Variants in HPS3 observed in about 807,000 individuals in gnomAD.
HPS3 encodes BLOC-2 complex member HPS3.
In HPS3, 79 loss-of-function variants were observed where a neutral mutation model predicts 110.9. The observed-to-expected ratio is 0.71, with a 90% CI of 0.59 to 0.86. The LOEUF is 0.86. Ranked by LOEUF, HPS3 falls within the 40% of genes least tolerant of loss-of-function variation. The probability of loss-of-function intolerance (pLI) is 0.00; values close to 1 mark genes in which losing one functional copy is unlikely to be tolerated. For synonymous variants in HPS3, 428 were observed against 451.0 expected (o/e 0.95, Z 0.65); for missense variants, 1,197 against 1,206.2 (o/e 0.99, Z 0.11).
rs1724629279 is a variant in HPS3, at chr3:149,168,283, A to G, written c.2887+300A>G. ...TGTGAGTAGTCATTAAGGCAATTAC[A>G]TCTTTTATCAATGATCAGAGTACTT... On this transcript the variant is annotated intron_variant, in intron 16 of 16. Transcript: ENST00000296051. 3.6e-5 allele frequency: 12 copies of G among 328,862 alleles called. No homozygotes were observed. The South Asian group carries it at 4.0e-4, about 11-fold the overall frequency. 20.4% of individuals were successfully genotyped at this position (328,862 alleles called of 1,614,324 possible).
chr3:149,162,717 A>G lies in HPS3; in HGVS notation c.2320A>G (p.Ile774Val). 6.2e-7 allele frequency: 1 copy of G among 1,614,032 alleles called. No homozygotes were observed. Reference sequence around the variant, plus strand: ...GCTTTGTGCTAAGGATGAAGATACAATTCCTCAGCTCTTGGTAGACTTTTG... The same window carrying G: ...GCTTTGTGCTAAGGATGAAGATACAGTTCCTCAGCTCTTGGTAGACTTTTG... ...KVLCAKDEDT[I>V]PQLLVDFWEA... Residue 774 changes from isoleucine to valine, a missense_variant, in exon 13 of 17, where the codon ATT becomes GTT. Physicochemically the swap from Ile to Val is conservative, Grantham distance 29 (BLOSUM62 3). Transcript: ENST00000296051.
intron 6 of HPS3, among the ~76,000 whole-genome samples, chr3:149,151,587 T>TAAAAAAAAAAAA (rs1167453087): frequency 9.9e-5 from 4 of 40,340 alleles, no homozygotes; most frequent in Admixed American, 3.4e-4. Context: ...GCTTGGTTTC[T>TAAAAAAAAAAAA]AAAAAAAAAA....
chr3:149,131,122 TAAA>T (rs57667789), intron 1 of HPS3, among the ~76,000 whole-genome samples: 40,621 of 138,684 alleles, frequency 0.29, 6,563 homozygotes, highest in East Asian at 0.47. Context: ...GAGTTTATGT[TAAA>T]AAAAAAAAAA....
In HPS3 at chr3:149,163,916, TA is replaced by T; in HGVS notation, c.2561del (p.Asn854IlefsTer20). On this transcript the variant is annotated frameshift_variant, in exon 14 of 17. Transcript: ENST00000296051. LOFTEE classifies it high-confidence loss of function. ...TAATATCATCTGATTCTTTAGCTGA[TA>T]AAAATTATACAGAAGATCTTTCAAA... ...VVISSDSLAD[K>X]NYTEDLSKLQ... The T allele has an allele frequency of 6.4e-7, 1 of 1,567,198 alleles. No homozygotes were observed. Among genetic ancestry groups the T allele is most frequent in the Non-Finnish European group, 8.8e-7 (1 of 1,137,330 alleles).
chr3:149,170,965 G>A (rs1317094703), intron 16 of HPS3, among the ~76,000 whole-genome samples: 11 of 152,072 alleles, frequency 7.2e-5, no homozygotes, highest in Non-Finnish European at 1.6e-4. Context: ...TTTAATGTAT[G>A]TTACATTCCT....
chr3:149,163,427 G>A (rs1724089425), intron 13 of HPS3, among the ~76,000 whole-genome samples: 1 of 152,194 alleles, frequency 6.6e-6, no homozygotes, highest in South Asian at 2.1e-4. Flanking sequence ...ATGGCTAATG[G>A]AGGGTTAAGT....
chr3:149,134,520 G>A (rs1721964227), intron 1 of HPS3, among the ~76,000 whole-genome samples: 2 of 152,168 alleles, frequency 1.3e-5, no homozygotes, highest in Non-Finnish European at 1.5e-5. Flanking sequence ...TTTCTTACCT[G>A]TCGGATCCTT....
chr3:149,130,876 A>G (rs1559903061), intron 1 of HPS3, among the ~76,000 whole-genome samples: 1 of 152,194 alleles, frequency 6.6e-6, no homozygotes, highest in African/African-American at 2.4e-5. Flanking sequence ...GAAAAATCCA[A>G]CATTTAAAAC....
intron 11 of HPS3, among the ~76,000 whole-genome samples, chr3:149,161,170 T>C (rs1169318814): frequency 2.0e-5 from 3 of 152,220 alleles, no homozygotes; most frequent in African/African-American, 4.8e-5. Context: ...CGGAATGTCT[T>C]CTGTTTTGAA....
At chr3:149,162,434 T>G (rs1723959995) in intron 12 of HPS3, 101 bp downstream of exon 12, 2 of 1,147,870 alleles carry the variant, frequency 1.7e-6, no homozygotes, top group Non-Finnish European at 2.6e-6. Flanking sequence ...GTTTGTTTAT[T>G]GAAAAAACAG....
At chr3:149,130,987 C>A (rs1302610982) in intron 1 of HPS3, among the ~76,000 whole-genome samples, 1 of 152,058 alleles carries the variant, frequency 6.6e-6, no homozygotes, top group Non-Finnish European at 1.5e-5. Flanking sequence ...TCAGTATTTA[C>A]GTTGCAAAAG....
intron 1 of HPS3, among the ~76,000 whole-genome samples, chr3:149,135,116 G>A (rs1211953050): frequency 6.6e-6 from 1 of 152,038 alleles, no homozygotes; most frequent in East Asian, 1.9e-4. Context: ...TACTAAAAAT[G>A]CTTTTCAGGT....
intron 13 of HPS3, among the ~76,000 whole-genome samples, chr3:149,163,479 G>A (rs1724094759): frequency 6.6e-6 from 1 of 152,166 alleles, no homozygotes; most frequent in Non-Finnish European, 1.5e-5. Context: ...GCTTCTTGGG[G>A]ATTGTCTTGA....
chr3:149,137,014 C>T (rs1008218405), intron 1 of HPS3, among the ~76,000 whole-genome samples: 1 of 152,056 alleles, frequency 6.6e-6, no homozygotes, highest in Non-Finnish European at 1.5e-5. Flanking sequence ...TCAAAAGACT[C>T]ATCAACAGAT....
intron 1 of HPS3, chr3:149,130,206 C>T: frequency 1.8e-6 from 1 of 563,460 alleles, no homozygotes; most frequent in Non-Finnish European, 3.2e-6. Context: ...AGAAAGGCCT[C>T]TGGCTGGATT....
At position 149,162,963 on chromosome 3, in the gene HPS3, A is replaced by C. The variant is rs1724037635; in HGVS notation, c.2481+85A>C. ...CCTTATTTTTAATAACTTATTATAAAATCTAACCTAGTTTTCTATTACCAG... is the reference window on the plus strand; with the variant it reads ...CCTTATTTTTAATAACTTATTATAACATCTAACCTAGTTTTCTATTACCAG... On this transcript the variant is annotated intron_variant, in intron 13 of 16. Coordinates refer to ENST00000296051, the MANE Select transcript of HPS3 (RefSeq NM_032383.5). 4 of 1,159,320 alleles carry C rather than the reference A, an allele frequency of 3.5e-6. No individual in the cohort carries two copies. The East Asian group carries it at 1.0e-4, about 29-fold the overall frequency. The allele number at this position is 1,159,320 out of a possible 1,614,324, so 71.8% of individuals were successfully genotyped here. A position where few individuals can be genotyped will look rare whatever the true frequency, so the allele number is the denominator to read the frequency against.
intron 6 of HPS3, among the ~76,000 whole-genome samples, chr3:149,152,256 G>C (rs548594428): frequency 2.6e-4 from 40 of 152,216 alleles, no homozygotes; most frequent in African/African-American, 8.7e-4. Context: ...TCCCCTCCTT[G>C]CGTTTTCAAA....
chr3:149,168,074 A>T, intron 16 of HPS3, 91 bp downstream of exon 16: 1 of 782,642 alleles, frequency 1.3e-6, no homozygotes, highest in Non-Finnish European at 2.2e-6. Context: ...GTGATTCTCA[A>T]GTGAAACCGA....
intron 5 of HPS3, among the ~76,000 whole-genome samples, 169 bp from the exon 6 acceptor site, chr3:149,150,430 G>A (rs772869507): frequency 1.2e-4 from 19 of 152,114 alleles, no homozygotes; most frequent in Non-Finnish European, 2.2e-4. Context: ...CACACCACAG[G>A]GATTCTGAGG....
Sources: allele counts gnomAD v4.1 joint callset (sites outside exome capture counted in the v4.1 genomes callset), GRCh38; gene constraint gnomAD v4.1.1; transcripts MANE v1.5; gene names NCBI Gene and HGNC (gene_info 2026-07-23, HGNC 2026-07-21).